Variants in DACH2 observed in about 807,000 individuals in gnomAD.
DACH2 encodes dachshund homolog 2.
DACH2 carries 17 observed loss-of-function variants against 35.8 expected under a neutral mutation model. The ratio of observed to expected loss-of-function variants is 0.48; its 90% confidence interval spans 0.33 to 0.71. The LOEUF (loss-of-function observed/expected upper bound fraction) is 0.71, where lower values mean the gene tolerates loss of function less well. DACH2 is among the 30% of genes least tolerant of loss of function. The pLI, the probability that DACH2 is intolerant of heterozygous loss-of-function variation, is 0.02. For synonymous variants in DACH2, 195 were observed against 177.3 expected (o/e 1.10, Z -0.79); for missense variants, 469 against 472.7 (o/e 0.99, Z 0.07).
intron 7 of DACH2, among the ~76,000 whole-genome samples, chrX:86,794,238 C>T (rs1021514688): frequency 2.7e-5 from 3 of 110,472 alleles, no homozygotes; most frequent in Admixed American, 9.8e-5. Context: ...AAAGACACCA[C>T]GCCATTTGAA....
At chrX:86,452,559 G>A (rs1344382911) in intron 2 of DACH2, among the ~76,000 whole-genome samples, 1 of 111,025 alleles carries the variant, frequency 9.0e-6, no homozygotes, top group Non-Finnish European at 1.9e-5. Context: ...TTAGGAGGGT[G>A]TATGTGTTCA....
chrX:86,426,867 A>T (rs2036901648), intron 2 of DACH2, among the ~76,000 whole-genome samples: 1 of 112,287 alleles, frequency 8.9e-6, no homozygotes, highest in Admixed American at 9.4e-5. Flanking sequence ...ATAAGGAACT[A>T]GTAAAAACAT....
chrX:86,331,257 G>A (rs185303061), intron 1 of DACH2, among the ~76,000 whole-genome samples: 18 of 110,619 alleles, frequency 1.6e-4, no homozygotes, highest in African/African-American at 5.9e-4. Context: ...AAGAGTCGAG[G>A]CTGTCGGCGT....
intron 3 of DACH2, among the ~76,000 whole-genome samples, chrX:86,544,323 C>G (rs2038928798): frequency 9.0e-6 from 1 of 110,642 alleles, no homozygotes; most frequent in South Asian, 3.9e-4. Flanking sequence ...AGACAACAAT[C>G]CCTAAGACAT....
intron 3 of DACH2, among the ~76,000 whole-genome samples, chrX:86,627,328 A>C (rs1261879253): frequency 6.3e-5 from 7 of 111,397 alleles, no homozygotes; most frequent in Non-Finnish European, 1.3e-4. Context: ...TCCATCTGAG[A>C]CCGCCTTAGC....
chrX:86,432,920 A>G (rs185135649), intron 2 of DACH2, among the ~76,000 whole-genome samples: 1 of 112,061 alleles, frequency 8.9e-6, no homozygotes, highest in African/African-American at 3.2e-5. Context: ...GACAATCAGT[A>G]AAATCATATG....
intron 5 of DACH2, among the ~76,000 whole-genome samples, chrX:86,711,744 G>T (rs963308478): frequency 8.9e-6 from 1 of 112,086 alleles, no homozygotes; most frequent in Non-Finnish European, 1.9e-5. Flanking sequence ...TAAAGTCTAG[G>T]GCATTACGGT....
intron 1 of DACH2, among the ~76,000 whole-genome samples, chrX:86,291,453 A>T (rs1446983735): frequency 9.8e-6 from 1 of 102,372 alleles, no homozygotes; most frequent in Admixed American, 1.1e-4. Context: ...CAGAACTTCC[A>T]ACACTATATT....
chrX:86,754,411 CTT>C (rs2041806454), intron 7 of DACH2, among the ~76,000 whole-genome samples: 1 of 110,871 alleles, frequency 9.0e-6, no homozygotes, highest in Non-Finnish European at 1.9e-5. Context: ...GACTAACAAA[CTT>C]CAGAGAATAG....
intron 2 of DACH2, among the ~76,000 whole-genome samples, chrX:86,417,089 C>CAAAAAAAAA (rs386417185): frequency 2.2e-4 from 5 of 23,035 alleles, no homozygotes; most frequent in African/African-American, 8.0e-4. Context: ...GACTCCATCT[C>CAAAAAAAAA]AAAAAAAAAA....
At chrX:86,611,378 T>A (rs1159315399) in intron 3 of DACH2, among the ~76,000 whole-genome samples, 3 of 109,697 alleles carry the variant, frequency 2.7e-5, no homozygotes, top group Admixed American at 9.8e-5. Flanking sequence ...CACCTGGGGT[T>A]GGGAGAGAGG....
chrX:86,187,088 A>G (rs983635606), intron 1 of DACH2, among the ~76,000 whole-genome samples: 9 of 111,961 alleles, frequency 8.0e-5, no homozygotes, highest in Non-Finnish European at 1.9e-5. Context: ...TGTGATCTTG[A>G]AATAGCTTAA....
intron 6 of DACH2, among the ~76,000 whole-genome samples, chrX:86,727,091 C>T (rs2041478306): frequency 8.9e-6 from 1 of 112,035 alleles, no homozygotes; most frequent in Non-Finnish European, 1.9e-5. Context: ...TCTTTTATAT[C>T]ATCTTTACCA....
At chrX:86,650,694 G>A (rs1044200672) in intron 3 of DACH2, among the ~76,000 whole-genome samples, 3 of 110,863 alleles carry the variant, frequency 2.7e-5, no homozygotes, top group Non-Finnish European at 3.8e-5. Context: ...GTTTCAAATT[G>A]GGGATCAGAT....
intron 1 of DACH2, among the ~76,000 whole-genome samples, chrX:86,312,206 T>A (rs959552492): frequency 8.9e-6 from 1 of 112,526 alleles, no homozygotes; most frequent in Non-Finnish European, 1.9e-5. Flanking sequence ...TATACACTTG[T>A]AATAAGAAAA....
chrX:86,485,090 T>C (rs2037998725), intron 2 of DACH2, among the ~76,000 whole-genome samples: 1 of 111,926 alleles, frequency 8.9e-6, no homozygotes, highest in Non-Finnish European at 1.9e-5. Flanking sequence ...TATTTGATAA[T>C]AGTTTTTCAA....
At chrX:86,164,363 T>C (rs2030869400) in intron 1 of DACH2, among the ~76,000 whole-genome samples, 1 of 111,784 alleles carries the variant, frequency 8.9e-6, no homozygotes, top group Non-Finnish European at 1.9e-5. Context: ...TTTGTGAATA[T>C]TTTCTCCCAT....
In DACH2 at chrX:86,314,495, G is replaced by A. The variant is rs1455742029; in HGVS notation, c.489-62329G>A. ...AGTGTGCCACTGCACTCCAACCTGG[G>A]TTACACATCAAGACTCTGTGTGTTA... On this transcript the variant is annotated intron_variant, in intron 1 of 11. Coordinates refer to ENST00000373125, the MANE Select transcript of DACH2 (RefSeq NM_053281.3). 5.4e-5 allele frequency among the ~76,000 whole-genome samples: 6 copies of A among 110,913 alleles called. No homozygotes were observed. The East Asian group carries it at 1.7e-3, about 32-fold the overall frequency.
intron 7 of DACH2, among the ~76,000 whole-genome samples, chrX:86,757,446 G>T (rs1283740955): frequency 8.9e-6 from 1 of 112,237 alleles, no homozygotes; most frequent in Non-Finnish European, 1.9e-5. Flanking sequence ...AAAAGAATTG[G>T]TGTTAATCTT....
Sources: allele counts gnomAD v4.1 joint callset (sites outside exome capture counted in the v4.1 genomes callset), GRCh38; gene constraint gnomAD v4.1.1; transcripts MANE v1.5; gene names NCBI Gene and HGNC (gene_info 2026-07-23, HGNC 2026-07-21).